CAMK1D: variants seen among roughly 807,000 people sequenced by gnomAD.
CAMK1D encodes calcium/calmodulin-dependent protein kinase type 1D.
CAMK1D carries 9 observed loss-of-function variants against 47.7 expected under a neutral mutation model. That is an observed-to-expected ratio of 0.19 (90% CI 0.11 to 0.33). The LOEUF (loss-of-function observed/expected upper bound fraction) is 0.33. Ranked by LOEUF, CAMK1D falls within the 10% of genes least tolerant of loss-of-function variation. CAMK1D has a pLI of 1.00. For synonymous variants in CAMK1D, 184 were observed against 184.9 expected (o/e 0.99, Z 0.04); for missense variants, 291 against 488.7 (o/e 0.60, Z 3.81).
chr10:12,505,206 G>A (rs541525251), intron 1 of CAMK1D, among the ~76,000 whole-genome samples: 1 of 152,322 alleles, frequency 6.6e-6, no homozygotes, highest in South Asian at 2.1e-4. Context: ...TTGTAGAGGA[G>A]CAAAGTGAAA....
At chr10:12,745,744 A>G (rs2130858778) in intron 3 of CAMK1D, among the ~76,000 whole-genome samples, 1 of 152,064 alleles carries the variant, frequency 6.6e-6, no homozygotes, top group South Asian at 2.1e-4. Flanking sequence ...CTGGGATTAC[A>G]GGTGCCCGCC....
chr10:12,497,075 C>G (rs1001844719), intron 1 of CAMK1D, among the ~76,000 whole-genome samples: 2 of 152,168 alleles, frequency 1.3e-5, no homozygotes, highest in African/African-American at 4.8e-5. Flanking sequence ...GATCTTGCTC[C>G]TTTTTATGGC....
intron 6 of CAMK1D, among the ~76,000 whole-genome samples, chr10:12,810,513 G>C (rs963834485): frequency 2.6e-5 from 4 of 152,186 alleles, no homozygotes; most frequent in African/African-American, 7.2e-5. Context: ...GACCTCAGGT[G>C]ATCTCCTCGC....
At chr10:12,636,202 T>C (rs1839507931) in intron 2 of CAMK1D, among the ~76,000 whole-genome samples, 1 of 152,238 alleles carries the variant, frequency 6.6e-6, no homozygotes, top group Admixed American at 6.5e-5. Context: ...CCAGTTTCTC[T>C]TGCTAGCAGG....
At chr10:12,389,128 T>C (rs1258538347) in intron 1 of CAMK1D, among the ~76,000 whole-genome samples, 1 of 152,214 alleles carries the variant, frequency 6.6e-6, no homozygotes, top group Non-Finnish European at 1.5e-5. Flanking sequence ...AGGCTAATTA[T>C]TTGGGTTTCT....
At chr10:12,359,442 G>A (rs548579094) in intron 1 of CAMK1D, among the ~76,000 whole-genome samples, 2 of 151,950 alleles carry the variant, frequency 1.3e-5, no homozygotes, top group East Asian at 1.9e-4. Flanking sequence ...TGCCTGAAAC[G>A]TCCTCTGGCC....
chr10:12,404,256 G>C (rs1839333845), intron 1 of CAMK1D, among the ~76,000 whole-genome samples: 1 of 152,098 alleles, frequency 6.6e-6, no homozygotes, highest in Non-Finnish European at 1.5e-5. Flanking sequence ...TATTGGTTGG[G>C]CTGGTCTCGA....
intron 1 of CAMK1D, among the ~76,000 whole-genome samples, chr10:12,400,133 A>G (rs1443566395): frequency 6.6e-6 from 1 of 152,198 alleles, no homozygotes; most frequent in African/African-American, 2.4e-5. Flanking sequence ...GACTTTAGGA[A>G]TTTAAGAAAT....
At chr10:12,362,610 G>A (rs1416356809) in intron 1 of CAMK1D, among the ~76,000 whole-genome samples, 5 of 152,132 alleles carry the variant, frequency 3.3e-5, no homozygotes, top group African/African-American at 1.2e-4. Context: ...CCATTCTCCT[G>A]CCTCAGCCTC....
chr10:12,680,571 C>G (rs1840957343), intron 3 of CAMK1D, among the ~76,000 whole-genome samples: 2 of 152,154 alleles, frequency 1.3e-5, no homozygotes, highest in African/African-American at 4.8e-5. Context: ...GATCTCATCT[C>G]TTTGAATCCT....
At chr10:12,385,159 G>A (rs545422714) in intron 1 of CAMK1D, among the ~76,000 whole-genome samples, 6 of 152,320 alleles carry the variant, frequency 3.9e-5, no homozygotes, top group Admixed American at 2.0e-4. Context: ...TGGTGTGGAT[G>A]TAAAATGGTG....
intron 3 of CAMK1D, among the ~76,000 whole-genome samples, chr10:12,695,278 C>T (rs927089411): frequency 2.6e-5 from 4 of 152,140 alleles, no homozygotes; most frequent in Non-Finnish European, 5.9e-5. Context: ...GACTGTGGAT[C>T]AGAAACGGTT....
chr10:12,732,355 T>A (rs566434064), intron 3 of CAMK1D, among the ~76,000 whole-genome samples: 1 of 152,192 alleles, frequency 6.6e-6, no homozygotes, highest in Admixed American at 6.5e-5. Flanking sequence ...AGTATGACAG[T>A]GAGTGAGGAG....
intron 1 of CAMK1D, among the ~76,000 whole-genome samples, chr10:12,432,290 T>C (rs1440049474): frequency 6.6e-6 from 1 of 152,250 alleles, no homozygotes; most frequent in Non-Finnish European, 1.5e-5. Flanking sequence ...AGTTTTCTCC[T>C]ATCACCCTTA....
intron 10 of CAMK1D, chr10:12,825,953 C>T (rs925022449): frequency 8.1e-6 from 4 of 492,830 alleles, no homozygotes; most frequent in African/African-American, 7.7e-5. Context: ...GCCTGACCAA[C>T]ATGGTGAAAC....
At chr10:12,708,552 A>T (rs1452420200) in intron 3 of CAMK1D, among the ~76,000 whole-genome samples, 1 of 152,170 alleles carries the variant, frequency 6.6e-6, no homozygotes, top group African/African-American at 2.4e-5. Flanking sequence ...ATACTTTTGC[A>T]CTTGTTTCTA....
At chr10:12,821,298 A>G (rs935062451) in intron 8 of CAMK1D, among the ~76,000 whole-genome samples, 8 of 152,214 alleles carry the variant, frequency 5.3e-5, no homozygotes, top group African/African-American at 1.4e-4. Context: ...TCCCAGCAAT[A>G]TCAGGCTAGT....
At chr10:12,377,714 T>G (rs545361279) in intron 1 of CAMK1D, among the ~76,000 whole-genome samples, 115 of 152,334 alleles carry the variant, frequency 7.5e-4, no homozygotes, top group Non-Finnish European at 1.4e-3. Flanking sequence ...TTTTAATGAT[T>G]GGAGAACACC....
At chr10:12,786,657 A>G (rs1014548008) in intron 5 of CAMK1D, among the ~76,000 whole-genome samples, 1 of 152,212 alleles carries the variant, frequency 6.6e-6, no homozygotes, top group Non-Finnish European at 1.5e-5. Flanking sequence ...CTCTGGGCTC[A>G]AGTGATCCTC....
Sources: allele counts gnomAD v4.1 joint callset (sites outside exome capture counted in the v4.1 genomes callset), GRCh38; gene constraint gnomAD v4.1.1; transcripts MANE v1.5; gene names NCBI Gene and HGNC (gene_info 2026-07-23, HGNC 2026-07-21).